RPS6KC1: variants seen among roughly 807,000 people sequenced by gnomAD.
RPS6KC1 encodes inactive ribosomal protein S6 kinase delta-1.
Under a neutral mutation model 103.8 loss-of-function variants are expected in RPS6KC1, and 54 were observed. The ratio of observed to expected loss-of-function variants is 0.52; its 90% CI spans 0.42 to 0.65. The LOEUF (loss-of-function observed/expected upper bound fraction) is 0.65. Ranked by LOEUF, RPS6KC1 falls within the 30% of genes least tolerant of loss-of-function variation. The pLI is 0.00. For synonymous variants in RPS6KC1, 439 were observed against 438.7 expected (o/e 1.00, Z -0.01); for missense variants, 1,151 against 1,253.8 (o/e 0.92, Z 1.24).
At chr1:213,155,239 C>T (rs185376930) in intron 6 of RPS6KC1, among the ~76,000 whole-genome samples, 29 of 152,202 alleles carry the variant, frequency 1.9e-4, no homozygotes, top group African/African-American at 6.7e-4. Flanking sequence ...GATGCCAGCC[C>T]TCCCTTGACT....
chr1:213,349,774 G>T, the RPS6KC1 span, among the ~76,000 whole-genome samples: 2 of 152,186 alleles, frequency 1.3e-5, no homozygotes, highest in African/African-American at 4.8e-5. Context: ...GTCCTTTGGA[G>T]TGAAGTTGAT....
chr1:213,053,661 T>C (rs114060279), intron 1 of RPS6KC1, among the ~76,000 whole-genome samples: 39 of 151,984 alleles, frequency 2.6e-4, no homozygotes, highest in Middle Eastern at 3.4e-3. Context: ...CCAATCAAGA[T>C]AGTTGAAAGA....
At chr1:213,795,440 T>G in the RPS6KC1 span, among the ~76,000 whole-genome samples, 1 of 152,344 alleles carries the variant, frequency 6.6e-6, no homozygotes, top group Admixed American at 6.5e-5. Flanking sequence ...GTTACATATG[T>G]CAGGATCTAA....
chr1:213,526,592 G>C, the RPS6KC1 span, among the ~76,000 whole-genome samples: 1 of 152,152 alleles, frequency 6.6e-6, no homozygotes, highest in Non-Finnish European at 1.5e-5. Context: ...CTGTTGGAAA[G>C]AATGATAGCT....
the RPS6KC1 span, among the ~76,000 whole-genome samples, chr1:213,760,349 G>T: frequency 1.3e-5 from 2 of 152,130 alleles, no homozygotes; most frequent in African/African-American, 4.8e-5. Context: ...TGGAGTAATG[G>T]TTGGGACACA....
At chr1:213,320,127 A>G in the RPS6KC1 span, among the ~76,000 whole-genome samples, 3 of 152,316 alleles carry the variant, frequency 2.0e-5, no homozygotes, top group Non-Finnish European at 2.9e-5. Context: ...TTTTAAGAAC[A>G]CTGAAAAGTA....
chr1:213,833,625 G>A, the RPS6KC1 span, among the ~76,000 whole-genome samples: 35 of 152,240 alleles, frequency 2.3e-4, no homozygotes, highest in African/African-American at 8.4e-4. Flanking sequence ...AGGAGATTCA[G>A]TGCTCTTTAT....
intron 2 of RPS6KC1, among the ~76,000 whole-genome samples, chr1:213,076,292 A>G (rs1208893840): frequency 6.6e-6 from 1 of 152,228 alleles, no homozygotes; most frequent in African/African-American, 2.4e-5. Context: ...AACAATAAAC[A>G]TTAATTAAGG....
At chr1:213,243,789 G>A (rs571664100) in intron 12 of RPS6KC1, among the ~76,000 whole-genome samples, 5 of 152,164 alleles carry the variant, frequency 3.3e-5, no homozygotes, top group East Asian at 1.9e-4. Flanking sequence ...GTCTGCTTAG[G>A]TGTTGATCAA....
At chr1:213,078,398 CT>C (rs1179181494) in intron 3 of RPS6KC1, among the ~76,000 whole-genome samples, 3 of 151,926 alleles carry the variant, frequency 2.0e-5, no homozygotes, top group Non-Finnish European at 4.4e-5. Flanking sequence ...CGTAAATGTT[CT>C]TATATGGACA....
chr1:213,223,614 T>A (rs527963683), intron 8 of RPS6KC1, among the ~76,000 whole-genome samples: 5 of 152,330 alleles, frequency 3.3e-5, no homozygotes, highest in African/African-American at 9.6e-5. Flanking sequence ...CATTGGTCGC[T>A]GGGCACTTAG....
At chr1:213,801,849 T>G in the RPS6KC1 span, among the ~76,000 whole-genome samples, 17 of 152,286 alleles carry the variant, frequency 1.1e-4, no homozygotes, top group South Asian at 4.2e-4. Flanking sequence ...CGGTCAGGAA[T>G]ATTGGGAAGA....
the RPS6KC1 span, among the ~76,000 whole-genome samples, chr1:213,436,224 A>G: frequency 6.6e-6 from 1 of 152,240 alleles, no homozygotes; most frequent in African/African-American, 2.4e-5. Flanking sequence ...GTAAAGTAAA[A>G]TTAAATTAAA....
At chr1:213,316,724 T>C in the RPS6KC1 span, among the ~76,000 whole-genome samples, 1 of 151,950 alleles carries the variant, frequency 6.6e-6, no homozygotes, top group African/African-American at 2.4e-5. Context: ...TGTGTGTGTG[T>C]GTGTGTGTGT....
At chr1:213,709,331 G>A in the RPS6KC1 span, among the ~76,000 whole-genome samples, 6 of 151,964 alleles carry the variant, frequency 3.9e-5, no homozygotes, top group Non-Finnish European at 8.8e-5. Context: ...TTCTAGTTCA[G>A]TTGCATAGAG....
the RPS6KC1 span, among the ~76,000 whole-genome samples, chr1:213,622,681 G>T: frequency 6.6e-6 from 1 of 152,088 alleles, no homozygotes; most frequent in African/African-American, 2.4e-5. Flanking sequence ...GACCCCCATA[G>T]GCACTTGATC....
chr1:213,844,442 T>C, the RPS6KC1 span, among the ~76,000 whole-genome samples: 3 of 152,254 alleles, frequency 2.0e-5, no homozygotes, highest in African/African-American at 4.8e-5. Flanking sequence ...TTCTCACATA[T>C]TCCACTTTAT....
chr1:213,817,303 A>T, the RPS6KC1 span, among the ~76,000 whole-genome samples: 1 of 152,224 alleles, frequency 6.6e-6, no homozygotes, highest in African/African-American at 2.4e-5. Flanking sequence ...AGGCAGGGCC[A>T]TTCAGAGGCC....
chr1:213,696,721 A>G, the RPS6KC1 span, among the ~76,000 whole-genome samples: 3 of 152,146 alleles, frequency 2.0e-5, no homozygotes, highest in Non-Finnish European at 2.9e-5. Context: ...AATCAGTTGA[A>G]GGATAGAGAG....
Sources: allele counts gnomAD v4.1 joint callset (sites outside exome capture counted in the v4.1 genomes callset), GRCh38; gene constraint gnomAD v4.1.1; transcripts MANE v1.5; gene names NCBI Gene and HGNC (gene_info 2026-07-23, HGNC 2026-07-21).